Variants in HIVEP3 observed in about 807,000 individuals in gnomAD.
HIVEP3 encodes the protein HIVEP zinc finger 3, also known as transcription factor HIVEP3.
Under a neutral mutation model 152.8 loss-of-function variants are expected in HIVEP3, and 49 were observed. The ratio of observed to expected loss-of-function variants is 0.32; its 90% CI spans 0.26 to 0.41. The LOEUF (loss-of-function observed/expected upper bound fraction) is 0.41, where lower values mean the gene tolerates loss of function less well. Among genes scored for constraint, HIVEP3 ranks in the 10% least tolerant of loss-of-function variants. The pLI, the probability that HIVEP3 is intolerant of heterozygous loss-of-function variation, is 1.00. For missense variants in HIVEP3, 2,790 were observed against 3,103.3 expected, an observed-to-expected ratio of 0.90 and a Z score of 2.40; for synonymous variants, 1,269 against 1,289.0, an observed-to-expected ratio of 0.98 and a Z score of 0.33.
At chr1:41,829,140 T>C (rs1319556634) in intron 1 of HIVEP3, among the ~76,000 whole-genome samples, 3 of 151,456 alleles carry the variant, frequency 2.0e-5, no homozygotes, top group East Asian at 2.0e-4. Flanking sequence ...CACTATATCA[T>C]GAATGGAGTG....
At chr1:41,970,751 T>C (rs537071055) in intron 1 of HIVEP3, among the ~76,000 whole-genome samples, 12 of 152,224 alleles carry the variant, frequency 7.9e-5, no homozygotes, top group Admixed American at 2.0e-4. Flanking sequence ...TCCAGTATGA[T>C]TGATGTCTTT....
chr1:41,886,199 G>A (rs1218576232), intron 1 of HIVEP3, among the ~76,000 whole-genome samples: 1 of 152,152 alleles, frequency 6.6e-6, no homozygotes, highest in Non-Finnish European at 1.5e-5. Context: ...GGTGTTTTGG[G>A]ATCCAGCATA....
At chr1:41,962,893 T>C (rs1008803161) in intron 1 of HIVEP3, among the ~76,000 whole-genome samples, 3 of 152,238 alleles carry the variant, frequency 2.0e-5, no homozygotes, top group Admixed American at 2.0e-4. Context: ...TTTTTCATCA[T>C]GGAGACCCGT....
At position 41,767,356 on chromosome 1, in the gene HIVEP3, A is replaced by G. The variant is rs551646502; in HGVS notation, c.-800-66361T>C. On this transcript the variant is annotated intron_variant, in intron 1 of 8. Coordinates refer to ENST00000372583, the MANE Select transcript of HIVEP3 (RefSeq NM_024503.5). The stretch of plus-strand genomic sequence containing the variant: ...CCCCAACCGCTAGAGCTCTGGTTTC[A>G]TGGCGGGAGTGAATTTTCCACAATG... Among the ~76,000 whole-genome samples, 8 of 152,322 alleles carry G rather than the reference A, an allele frequency of 5.3e-5. No homozygotes were observed. In the East Asian group the frequency reaches 1.4e-3, roughly 26 times the overall value.
At chr1:41,942,226 CA>C (rs1645049517) in intron 1 of HIVEP3, among the ~76,000 whole-genome samples, 1 of 152,322 alleles carries the variant, frequency 6.6e-6, no homozygotes, top group South Asian at 2.1e-4. Context: ...GCACAATTAA[CA>C]CATCCATATG....
chr1:41,709,753 G>A (rs1040035651), intron 1 of HIVEP3, among the ~76,000 whole-genome samples: 4 of 152,200 alleles, frequency 2.6e-5, no homozygotes, highest in East Asian at 1.9e-4. Context: ...TCACTGACAC[G>A]GCAAAGTTTA....
rs75201015 is a variant in HIVEP3, at chr1:41,573,092, T to C, written c.5207+2452A>G. Among the ~76,000 whole-genome samples, 911 of 152,318 alleles carry C rather than the reference T, an allele frequency of 6.0e-3. 2 individuals are homozygous for C. Among genetic ancestry groups the C allele is most frequent in the Non-Finnish European group, 0.01 (713 of 68,030 alleles). ...CCTGGATCTAAGGAACAGAGCTCCA[T>C]AGCAGATCCTTCTCAAATGTGTACA... On this transcript the variant is annotated intron_variant, in intron 5 of 8. Transcript: ENST00000372583.
chr1:41,909,475 T>C (rs1215423138), intron 1 of HIVEP3, among the ~76,000 whole-genome samples: 1 of 152,074 alleles, frequency 6.6e-6, no homozygotes, highest in Non-Finnish European at 1.5e-5. Context: ...GCTCAAAATA[T>C]ATAAAACACA....
chr1:41,729,630 TGAAGA>T (rs1322126743), intron 1 of HIVEP3, among the ~76,000 whole-genome samples: 6 of 152,116 alleles, frequency 3.9e-5, no homozygotes, highest in Admixed American at 2.6e-4. Flanking sequence ...AAGGAGAAAG[TGAAGA>T]GAAGAGAGGG....
chr1:41,508,920 A>G lies in HIVEP3; in HGVS notation c.*1531T>C, dbSNP rs1644411655. On this transcript the variant is annotated 3_prime_UTR_variant, in exon 9 of 9. Transcript: ENST00000372583. ...GCCCTCCCTTGTAGAAAGTAAAGAAAATCAGTTCTGAAACACTGGGAAAAA... is the reference window on the plus strand; with the variant it reads ...GCCCTCCCTTGTAGAAAGTAAAGAAGATCAGTTCTGAAACACTGGGAAAAA... 6.6e-6 allele frequency: 1 copy of G among 152,274 alleles called. No homozygotes were observed. The highest frequency in any genetic ancestry group is 2.4e-5 in the African/African-American group (1 of 41,462). 9.4% of individuals were successfully genotyped at this position (152,274 alleles called of 1,614,324 possible).
At chr1:41,591,417 T>C (rs1644585143) in intron 3 of HIVEP3, among the ~76,000 whole-genome samples, 1 of 152,148 alleles carries the variant, frequency 6.6e-6, no homozygotes, top group Non-Finnish European at 1.5e-5. Flanking sequence ...CAAGTGGTCC[T>C]AGCAGTGGGG....
chr1:41,961,992 T>A (rs1645172224), intron 1 of HIVEP3, among the ~76,000 whole-genome samples: 1 of 152,188 alleles, frequency 6.6e-6, no homozygotes, highest in South Asian at 2.1e-4. Flanking sequence ...CCAGCAAACA[T>A]TAGCTAGAAT....
chr1:41,748,646 G>A (rs185841041), intron 1 of HIVEP3, among the ~76,000 whole-genome samples: 12 of 152,330 alleles, frequency 7.9e-5, no homozygotes, highest in East Asian at 1.9e-4. Context: ...GCTCTATGGC[G>A]TTGATACTAT....
At chr1:41,638,282 GAGGA>G (rs1357959504) in intron 2 of HIVEP3, among the ~76,000 whole-genome samples, 4 of 146,646 alleles carry the variant, frequency 2.7e-5, no homozygotes, top group South Asian at 2.2e-4. Context: ...AAGAAAGAAA[GAGGA>G]AGGAAGGAAG....
chr1:41,777,181 G>T (rs1648756696), intron 1 of HIVEP3, among the ~76,000 whole-genome samples: 1 of 152,172 alleles, frequency 6.6e-6, no homozygotes, highest in African/African-American at 2.4e-5. Flanking sequence ...GGCTCTCCTT[G>T]GCTGGCAAGC....
chr1:41,708,148 G>C (rs1646461394), intron 1 of HIVEP3, among the ~76,000 whole-genome samples: 1 of 152,194 alleles, frequency 6.6e-6, no homozygotes, highest in African/African-American at 2.4e-5. Context: ...ACATTAGGGA[G>C]GGACTACCTT....
chr1:41,665,707 T>TAC (rs10530354), intron 2 of HIVEP3, among the ~76,000 whole-genome samples: 2,175 of 128,006 alleles, frequency 0.017, 46 homozygotes, highest in Middle Eastern at 0.043. Context: ...GGAAATGTTA[T>TAC]ACACACACAC....
intron 1 of HIVEP3, among the ~76,000 whole-genome samples, chr1:41,746,489 T>G (rs1647073879): frequency 6.6e-6 from 1 of 152,256 alleles, no homozygotes. Flanking sequence ...CTAAGGCACT[T>G]AAATGCTATT....
intron 5 of HIVEP3, among the ~76,000 whole-genome samples, chr1:41,534,204 C>G (rs979289311): frequency 6.6e-6 from 1 of 152,208 alleles, no homozygotes; most frequent in Non-Finnish European, 1.5e-5. Flanking sequence ...GCTTACCACT[C>G]CTTCCAGCCT....
Sources: gnomAD v4.1 joint callset for allele counts (sites outside exome capture counted in the v4.1 genomes callset) on GRCh38, gnomAD v4.1.1 for gene constraint, MANE v1.5 for transcripts, NCBI Gene and HGNC (gene_info 2026-07-23, HGNC 2026-07-21) for gene names.